Variants in NAALADL2 observed in about 807,000 individuals in gnomAD.
NAALADL2 encodes inactive N-acetylated-alpha-linked acidic dipeptidase-like protein 2.
A neutral mutation model predicts 87.2 loss-of-function variants in NAALADL2; 76 were observed. The observed-to-expected ratio is 0.87, with a 90% CI of 0.72 to 1.05. The LOEUF (loss-of-function observed/expected upper bound fraction) is 1.05, where lower values mean the gene tolerates loss of function less well. Among genes scored for constraint, NAALADL2 ranks in the 50% least tolerant of loss-of-function variants. NAALADL2 has a pLI of 0.00. For missense variants in NAALADL2, 1,089 were observed against 945.8 expected (o/e 1.15, Z -1.99); for synonymous variants, 354 against 331.0 (o/e 1.07, Z -0.75).
chr3:174,950,180 C>A (rs56040255), intron 1 of NAALADL2, among the ~76,000 whole-genome samples: 10,589 of 151,926 alleles, frequency 0.07, 557 homozygotes, highest in African/African-American at 0.15. Context: ...TTGGTCGCCC[C>A]CAGATCTTAC....
intron 2 of NAALADL2, among the ~76,000 whole-genome samples, chr3:174,711,012 T>C (rs1240196069): frequency 2.0e-5 from 3 of 152,124 alleles, no homozygotes; most frequent in African/African-American, 7.2e-5. Flanking sequence ...CAAAGAAAAT[T>C]CTAGTGATAG....
chr3:174,600,641 G>A (rs1317356232), intron 2 of NAALADL2, among the ~76,000 whole-genome samples: 6 of 152,232 alleles, frequency 3.9e-5, no homozygotes, highest in African/African-American at 1.4e-4. Context: ...AAGGAAAGAA[G>A]TTTAATTGGC....
intron 13 of NAALADL2, among the ~76,000 whole-genome samples, chr3:175,795,016 G>A (rs1270938093): frequency 6.6e-6 from 1 of 152,094 alleles, no homozygotes; most frequent in Non-Finnish European, 1.5e-5. Flanking sequence ...AGGAAGCTCT[G>A]GTACCTCTTC....
chr3:175,179,852 T>A (rs979053371), intron 2 of NAALADL2, among the ~76,000 whole-genome samples: 24 of 152,204 alleles, frequency 1.6e-4, no homozygotes, highest in South Asian at 4.1e-4. Flanking sequence ...AGCAACACAT[T>A]TCAGATTAAG....
intron 2 of NAALADL2, among the ~76,000 whole-genome samples, chr3:175,179,998 G>A (rs1462225632): frequency 6.6e-6 from 1 of 151,964 alleles, no homozygotes; most frequent in Non-Finnish European, 1.5e-5. Flanking sequence ...CTGTAATTGT[G>A]TTGATGGTTC....
At chr3:175,133,310 C>T (rs928652036) in intron 2 of NAALADL2, among the ~76,000 whole-genome samples, 1 of 152,158 alleles carries the variant, frequency 6.6e-6, no homozygotes, top group African/African-American at 2.4e-5. Flanking sequence ...CCTCACTTCC[C>T]AGACGGGGTG....
intron 9 of NAALADL2, among the ~76,000 whole-genome samples, chr3:175,524,100 G>T (rs1241062082): frequency 6.6e-6 from 1 of 152,146 alleles, no homozygotes; most frequent in Admixed American, 6.5e-5. Context: ...TCCCACACAG[G>T]CTTTGTCTTA....
chr3:175,384,934 A>G (rs1397445091), intron 5 of NAALADL2, among the ~76,000 whole-genome samples: 1 of 152,100 alleles, frequency 6.6e-6, no homozygotes, highest in East Asian at 1.9e-4. Context: ...AAAGTAAAAT[A>G]ATGAGCTGCT....
At chr3:174,750,569 G>C (rs552935515) in intron 3 of NAALADL2, among the ~76,000 whole-genome samples, 1 of 152,168 alleles carries the variant, frequency 6.6e-6, no homozygotes, top group Non-Finnish European at 1.5e-5. Context: ...GAGTAGCTGG[G>C]ATTAAAGGTG....
chr3:175,288,619 T>C (rs907649100), intron 4 of NAALADL2, among the ~76,000 whole-genome samples: 2 of 149,836 alleles, frequency 1.3e-5, no homozygotes, highest in Non-Finnish European at 2.9e-5. Context: ...TCTGTAGACT[T>C]ACGTCCAAGT....
At chr3:175,399,584 G>A (rs924482616) in intron 5 of NAALADL2, among the ~76,000 whole-genome samples, 2 of 152,098 alleles carry the variant, frequency 1.3e-5, no homozygotes, top group Non-Finnish European at 2.9e-5. Context: ...AACTGTCATG[G>A]TGCTGGCAGG....
intron 1 of NAALADL2, among the ~76,000 whole-genome samples, chr3:174,492,730 T>A (rs1328444589): frequency 6.6e-6 from 1 of 152,224 alleles, no homozygotes; most frequent in African/African-American, 2.4e-5. Context: ...TATTTCTAGA[T>A]CACTTCCAAC....
chr3:174,661,744 A>G (rs548581289), intron 2 of NAALADL2, among the ~76,000 whole-genome samples: 2 of 152,222 alleles, frequency 1.3e-5, no homozygotes, highest in East Asian at 3.9e-4. Flanking sequence ...CAGCCTTAGA[A>G]CTGTGTGACT....
At chr3:175,513,655 GT>G (rs1394017947) in intron 9 of NAALADL2, among the ~76,000 whole-genome samples, 4 of 152,128 alleles carry the variant, frequency 2.6e-5, no homozygotes, top group Non-Finnish European at 4.4e-5. Context: ...TCTTTTATTT[GT>G]TCTGTCCTTT....
intron 2 of NAALADL2, among the ~76,000 whole-genome samples, chr3:174,692,283 CTCT>C (rs1728648352): frequency 1.3e-5 from 2 of 152,124 alleles, no homozygotes; most frequent in South Asian, 2.1e-4. Context: ...TCTGGCTTTG[CTCT>C]TCTTGTTTAT....
At chr3:174,709,126 C>T (rs972966338) in intron 2 of NAALADL2, among the ~76,000 whole-genome samples, 1 of 151,822 alleles carries the variant, frequency 6.6e-6, no homozygotes, top group Non-Finnish European at 1.5e-5. Flanking sequence ...TCTCATTTGC[C>T]ACAGGATTTG....
At chr3:175,779,190 T>C (rs569843937) in intron 13 of NAALADL2, among the ~76,000 whole-genome samples, 6 of 152,208 alleles carry the variant, frequency 3.9e-5, no homozygotes, top group Non-Finnish European at 8.8e-5. Flanking sequence ...GTCTTTCACA[T>C]AGGAATTTAA....
At chr3:174,725,332 CTT>C (rs1006637886) in intron 2 of NAALADL2, among the ~76,000 whole-genome samples, 18 of 146,830 alleles carry the variant, frequency 1.2e-4, no homozygotes, top group Non-Finnish European at 2.5e-4. Flanking sequence ...GTTTTTTAAA[CTT>C]AATTATTTAA....
chr3:175,023,668 T>A (rs1242659084), intron 1 of NAALADL2, among the ~76,000 whole-genome samples: 4 of 152,098 alleles, frequency 2.6e-5, no homozygotes, highest in Non-Finnish European at 4.4e-5. Context: ...ATAACAAATA[T>A]ATTTCTTGAC....
Sources: allele counts gnomAD v4.1 joint callset (sites outside exome capture counted in the v4.1 genomes callset), GRCh38; gene constraint gnomAD v4.1.1; transcripts MANE v1.5; gene names NCBI Gene and HGNC (gene_info 2026-07-23, HGNC 2026-07-21).